The following LRRTM4 variants were observed in gnomAD, a reference collection of about 807,000 sequenced individuals.
LRRTM4 encodes leucine rich repeat transmembrane neuronal 4, also known as leucine-rich repeat transmembrane neuronal protein 4.
Under a neutral mutation model 47.6 loss-of-function variants are expected in LRRTM4, and 25 were observed. That is an observed-to-expected ratio of 0.53 (90% CI 0.38 to 0.73). The LOEUF is 0.73. Among genes scored for constraint, LRRTM4 ranks in the 30% least tolerant of loss-of-function variants. The pLI is 0.00. For missense variants in LRRTM4, 638 were observed against 713.4 expected, an observed-to-expected ratio of 0.89 and a Z score of 1.20; for synonymous variants, 311 against 269.5, an observed-to-expected ratio of 1.15 and a Z score of -1.51.
intron 3 of LRRTM4, among the ~76,000 whole-genome samples, chr2:76,937,730 C>T (rs1407532191): frequency 3.9e-5 from 6 of 152,008 alleles, no homozygotes; most frequent in Non-Finnish European, 7.4e-5. Context: ...CCACACCGGG[C>T]TAATTTTTTC....
intron 3 of LRRTM4, among the ~76,000 whole-genome samples, chr2:77,208,086 C>A (rs1330084748): frequency 6.6e-6 from 1 of 151,818 alleles, no homozygotes; most frequent in African/African-American, 2.4e-5. Context: ...ACCATGTTGG[C>A]CAGGCTGCTC....
chr2:77,007,484 G>A (rs1677699949), intron 3 of LRRTM4, among the ~76,000 whole-genome samples: 1 of 152,124 alleles, frequency 6.6e-6, no homozygotes, highest in Non-Finnish European at 1.5e-5. Context: ...AGCAATGAAA[G>A]TCTATACACA....
At chr2:77,430,293 G>A (rs1393572816) in intron 3 of LRRTM4, among the ~76,000 whole-genome samples, 1 of 151,988 alleles carries the variant, frequency 6.6e-6, no homozygotes, top group African/African-American at 2.4e-5. Flanking sequence ...ATTAAAAAAT[G>A]GTCTTATATC....
intron 3 of LRRTM4, among the ~76,000 whole-genome samples, chr2:77,309,981 T>A (rs1405155766): frequency 2.0e-5 from 3 of 152,156 alleles, no homozygotes; most frequent in Non-Finnish European, 2.9e-5. Context: ...ATGGCCAACT[T>A]GAGCAGTTGT....
At chr2:76,855,326 TG>T (rs1277359131) in intron 3 of LRRTM4, among the ~76,000 whole-genome samples, 1 of 152,220 alleles carries the variant, frequency 6.6e-6, no homozygotes, top group Non-Finnish European at 1.5e-5. Context: ...ATGAATGCCC[TG>T]CCTTACTGAT....
In LRRTM4 at chr2:77,332,667, A is replaced by G. The variant is rs561000930; in HGVS notation, c.1551+185651T>C. Among the ~76,000 whole-genome samples, 9 of 152,332 alleles carry G rather than the reference A, an allele frequency of 5.9e-5. No homozygotes were observed. In the East Asian group the frequency reaches 1.5e-3, roughly 26 times the overall value. On this transcript the variant is annotated intron_variant, in intron 3 of 3. Transcript: ENST00000409884. ...ATTATCTTCTTCAGTAATAATATTA[A>G]AAGTCTGCTTCATTCCTAAATCTAT...
chr2:76,798,132 A>G (rs542126653), intron 3 of LRRTM4, among the ~76,000 whole-genome samples: 8 of 152,214 alleles, frequency 5.3e-5, no homozygotes, highest in Admixed American at 4.6e-4. Context: ...TCCACACCAA[A>G]TCAACACAAT....
At chr2:76,800,692 A>G (rs375542181) in intron 3 of LRRTM4, among the ~76,000 whole-genome samples, 7,872 of 108,520 alleles carry the variant, frequency 0.073, 138 homozygotes, top group Middle Eastern at 0.093. Context: ...GAAAATTTTC[A>G]CAACCTACTC....
chr2:76,784,430 A>G (rs759264130), intron 3 of LRRTM4, among the ~76,000 whole-genome samples: 2 of 152,094 alleles, frequency 1.3e-5, no homozygotes, highest in Non-Finnish European at 2.9e-5. Flanking sequence ...AATAATTTGA[A>G]CACACACAAG....
chr2:76,963,397 G>A (rs1463187639), intron 3 of LRRTM4, among the ~76,000 whole-genome samples: 3 of 150,828 alleles, frequency 2.0e-5, no homozygotes, highest in African/African-American at 7.3e-5. Context: ...CTGAAAAAAT[G>A]TATTGATCAA....
intron 3 of LRRTM4, among the ~76,000 whole-genome samples, chr2:77,122,768 C>A (rs1002807458): frequency 2.6e-5 from 4 of 151,508 alleles, no homozygotes; most frequent in Non-Finnish European, 4.4e-5. Context: ...AAGCTTCTCC[C>A]AAAAAATATG....
chr2:77,299,608 T>G (rs1677072334), intron 3 of LRRTM4, among the ~76,000 whole-genome samples: 1 of 152,086 alleles, frequency 6.6e-6, no homozygotes, highest in South Asian at 2.1e-4. Context: ...CTTGTTTATT[T>G]TAGTCATCTA....
At chr2:76,839,318 A>C (rs1263357351) in intron 3 of LRRTM4, among the ~76,000 whole-genome samples, 2 of 152,136 alleles carry the variant, frequency 1.3e-5, no homozygotes, top group African/African-American at 4.8e-5. Flanking sequence ...AGTTCTACTC[A>C]GGTGTCAGAG....
intron 3 of LRRTM4, among the ~76,000 whole-genome samples, chr2:77,044,397 A>G (rs1436734083): frequency 6.6e-6 from 1 of 151,786 alleles, no homozygotes; most frequent in African/African-American, 2.4e-5. Context: ...CCTTCTATGG[A>G]AGCTCAAAAA....
intron 3 of LRRTM4, among the ~76,000 whole-genome samples, chr2:76,923,903 T>G (rs1347796143): frequency 1.3e-5 from 2 of 152,112 alleles, no homozygotes; most frequent in African/African-American, 2.4e-5. Context: ...TTTTTTACAT[T>G]CCTGAAATAG....
chr2:77,383,020 C>T (rs1298169469), intron 3 of LRRTM4, among the ~76,000 whole-genome samples: 1 of 152,058 alleles, frequency 6.6e-6, no homozygotes, highest in East Asian at 1.9e-4. Context: ...TGCAAAAATT[C>T]CCCCAGTTTC....
At chr2:77,270,018 T>C (rs1289815532) in intron 3 of LRRTM4, among the ~76,000 whole-genome samples, 4 of 152,140 alleles carry the variant, frequency 2.6e-5, no homozygotes, top group Non-Finnish European at 5.9e-5. Context: ...GAAGCTGAGG[T>C]CCTCTAGCCA....
intron 3 of LRRTM4, among the ~76,000 whole-genome samples, chr2:76,922,544 C>A (rs1463416256): frequency 6.6e-6 from 1 of 151,964 alleles, no homozygotes; most frequent in African/African-American, 2.4e-5. Context: ...GGGCACAGAG[C>A]CAAACCATAT....
intron 3 of LRRTM4, among the ~76,000 whole-genome samples, chr2:77,322,942 T>A (rs559250365): frequency 6.6e-6 from 1 of 151,828 alleles, no homozygotes; most frequent in South Asian, 2.1e-4. Context: ...ATATTAGTAA[T>A]AAAAACACTA....
Sources: gnomAD v4.1 joint callset for allele counts (sites outside exome capture counted in the v4.1 genomes callset) on GRCh38, gnomAD v4.1.1 for gene constraint, MANE v1.5 for transcripts, NCBI Gene and HGNC (gene_info 2026-07-23, HGNC 2026-07-21) for gene names.